The following STXBP4 variants were observed in gnomAD, a reference collection of about 807,000 sequenced individuals.
The protein encoded by STXBP4 is syntaxin-binding protein 4.
Under a neutral mutation model 76.1 loss-of-function variants are expected in STXBP4, and 55 were observed. The ratio of observed to expected loss-of-function variants is 0.72; its 90% CI spans 0.58 to 0.91. The LOEUF (loss-of-function observed/expected upper bound fraction) is 0.91, where lower values mean the gene tolerates loss of function less well. Among genes scored for constraint, STXBP4 ranks in the 40% least tolerant of loss-of-function variants. The probability of loss-of-function intolerance (pLI) is 0.00; values close to 1 mark genes in which losing one functional copy is unlikely to be tolerated. For missense variants in STXBP4, 618 were observed against 636.9 expected, an observed-to-expected ratio of 0.97 and a Z score of 0.32; for synonymous variants, 201 against 220.2, an observed-to-expected ratio of 0.91 and a Z score of 0.77.
chr17:55,146,174 T>A (rs1196982472), intron 17 of STXBP4, among the ~76,000 whole-genome samples: 1 of 152,238 alleles, frequency 6.6e-6, no homozygotes, highest in Non-Finnish European at 1.5e-5. Context: ...AGCTGCTAAT[T>A]GCTTTTTTGT....
chr17:54,975,418 A>G (rs2077459005), intron 1 of STXBP4, among the ~76,000 whole-genome samples: 1 of 152,224 alleles, frequency 6.6e-6, no homozygotes, highest in African/African-American at 2.4e-5. Flanking sequence ...AAATATAGAT[A>G]GAGATGCAGA....
chr17:55,007,625 T>C, intron 8 of STXBP4, 28 bp downstream of exon 8: 2 of 1,541,842 alleles, frequency 1.3e-6, no homozygotes, highest in Non-Finnish European at 1.8e-6. Flanking sequence ...TCATTTTTCT[T>C]CCATAAGACA....
chr17:55,147,149 A>G (rs935118507), intron 17 of STXBP4, among the ~76,000 whole-genome samples: 15 of 152,338 alleles, frequency 9.8e-5, no homozygotes, highest in African/African-American at 3.4e-4. Flanking sequence ...CTTGCTTTGA[A>G]TATTCAATTA....
intron 8 of STXBP4, among the ~76,000 whole-genome samples, chr17:55,010,023 C>A (rs960474811): frequency 6.6e-6 from 1 of 151,492 alleles, no homozygotes; most frequent in Non-Finnish European, 1.5e-5. Flanking sequence ...TAAATAAGGC[C>A]AATGTGATCA....
the STXBP4 span, among the ~76,000 whole-genome samples, chr17:55,195,620 A>G: frequency 6.6e-6 from 1 of 151,992 alleles, no homozygotes; most frequent in Non-Finnish European, 1.5e-5. Context: ...TAAATTTTTT[A>G]TTTTTATTTG....
At position 55,030,009 on chromosome 17, in the gene STXBP4, G is replaced by C. The variant is rs77307263; in HGVS notation, c.667-1159G>C. Among the ~76,000 whole-genome samples the C allele has an allele frequency of 2.6e-5, 4 of 152,236 alleles. No homozygotes were observed. The East Asian group carries it at 7.7e-4, about 29-fold the overall frequency. On this transcript the variant is annotated intron_variant, in intron 8 of 17. Transcript: ENST00000376352. Reference sequence around the variant, plus strand: ...ACTTTGCCTACATTTTAGTTTTGATGTGATCGACACTATATATGCTCTTGC... The same window carrying C: ...ACTTTGCCTACATTTTAGTTTTGATCTGATCGACACTATATATGCTCTTGC...
chr17:55,089,683 C>A (rs1031275694), intron 16 of STXBP4, among the ~76,000 whole-genome samples: 1 of 152,080 alleles, frequency 6.6e-6, no homozygotes, highest in Non-Finnish European at 1.5e-5. Flanking sequence ...TTCAGAACTG[C>A]AATTTCTGTT....
chr17:54,999,775 C>A lies in STXBP4; in HGVS notation c.431C>A (p.Pro144His). 1 of 1,613,538 alleles carries A rather than the reference C, an allele frequency of 6.2e-7. No individual in the cohort carries two copies. Among genetic ancestry groups the A allele is most frequent in the Non-Finnish European group, 8.5e-7 (1 of 1,179,714 alleles). Residue 144 changes from proline to histidine, a missense_variant, in exon 6 of 18, where the codon CCT (proline) becomes CAT (histidine). Coordinates refer to ENST00000376352, the MANE Select transcript of STXBP4 (RefSeq NM_178509.6). ...ASTLSLFSSP[P>H]EILIPKTSST... ...ACATTAAGTCTTTTTTCTTCTCCTC[C>A]TGAAATACTAATCCCAAAGACCTCA...
At chr17:55,008,848 GT>G (rs974915555) in intron 8 of STXBP4, among the ~76,000 whole-genome samples, 1 of 152,154 alleles carries the variant, frequency 6.6e-6, no homozygotes, top group African/African-American at 2.4e-5. Flanking sequence ...GTGAGAGAAG[GT>G]AAGAAAGACC....
intron 10 of STXBP4, among the ~76,000 whole-genome samples, chr17:55,038,072 A>G (rs186161397): frequency 3.3e-5 from 5 of 152,260 alleles, no homozygotes; most frequent in Admixed American, 6.5e-5. Context: ...CAGTTTCACA[A>G]ACAACAGGCC....
intron 16 of STXBP4, among the ~76,000 whole-genome samples, chr17:55,094,435 G>A (rs1014648196): frequency 1.3e-5 from 2 of 152,180 alleles, no homozygotes; most frequent in African/African-American, 4.8e-5. Context: ...GGTGGCTATT[G>A]CAGTGATTGA....
the STXBP4 span, among the ~76,000 whole-genome samples, chr17:55,197,045 A>T: frequency 3.9e-5 from 6 of 152,346 alleles, no homozygotes; most frequent in Middle Eastern, 3.4e-3. Context: ...GGATGCTGCC[A>T]CTCAGTCGTT....
intron 8 of STXBP4, among the ~76,000 whole-genome samples, chr17:55,015,826 T>C (rs1217873041): frequency 6.6e-6 from 1 of 152,224 alleles, no homozygotes; most frequent in Non-Finnish European, 1.5e-5. Flanking sequence ...TTTACATAAT[T>C]GCGAGTTGTC....
At chr17:55,184,536 C>T in the STXBP4 span, among the ~76,000 whole-genome samples, 1 of 152,182 alleles carries the variant, frequency 6.6e-6, no homozygotes, top group Admixed American at 6.5e-5. Context: ...TGCTTTTAAA[C>T]TTTATGTAGA....
intron 4 of STXBP4, chr17:54,991,633 A>G (rs2077718013): frequency 6.6e-6 from 1 of 151,766 alleles, no homozygotes; most frequent in East Asian, 1.9e-4. Context: ...TACTAAAGTG[A>G]TTATGTGTCA....
chr17:55,194,082 T>C, the STXBP4 span, among the ~76,000 whole-genome samples: 1 of 152,224 alleles, frequency 6.6e-6, no homozygotes, highest in East Asian at 1.9e-4. Context: ...CAGAGCACCT[T>C]ACACATATGC....
intron 16 of STXBP4, among the ~76,000 whole-genome samples, chr17:55,102,267 C>A (rs1039758948): frequency 7.2e-5 from 11 of 152,000 alleles, no homozygotes; most frequent in African/African-American, 2.7e-4. Flanking sequence ...CTAATGCTAT[C>A]CCTCCCCCAG....
intron 1 of STXBP4, among the ~76,000 whole-genome samples, chr17:54,979,023 A>T (rs1031767754): frequency 8.5e-5 from 13 of 152,136 alleles, no homozygotes; most frequent in Non-Finnish European, 1.0e-4. Context: ...ATTACTAACT[A>T]TTCTGTAATG....
chr17:55,070,443 C>G (rs2144861971), intron 12 of STXBP4, among the ~76,000 whole-genome samples: 1 of 152,204 alleles, frequency 6.6e-6, no homozygotes, highest in East Asian at 1.9e-4. Flanking sequence ...AATGTACCTA[C>G]CTTTTCCAGA....
Sources: allele counts gnomAD v4.1 joint callset (sites outside exome capture counted in the v4.1 genomes callset), GRCh38; gene constraint gnomAD v4.1.1; transcripts MANE v1.5; gene names NCBI Gene and HGNC (gene_info 2026-07-23, HGNC 2026-07-21).